The following SLC25A16 variants were observed in gnomAD, a reference collection of about 807,000 sequenced individuals.
The protein encoded by SLC25A16 is mitochondrial coenzyme A transporter SLC25A16.
SLC25A16 carries 39 observed loss-of-function variants against 41.5 expected under a neutral mutation model. That is an observed-to-expected ratio of 0.94 (90% CI 0.73 to 1.23). The LOEUF (loss-of-function observed/expected upper bound fraction) is 1.23. Ranked by LOEUF, SLC25A16 falls within the 50% of genes most tolerant of loss-of-function variation. The pLI, the probability that SLC25A16 is intolerant of heterozygous loss-of-function variation, is 0.00. For missense variants in SLC25A16, 421 were observed against 426.9 expected, an observed-to-expected ratio of 0.99 and a Z score of 0.12; for synonymous variants, 146 against 147.8, an observed-to-expected ratio of 0.99 and a Z score of 0.09.
intron 2 of SLC25A16, among the ~76,000 whole-genome samples, chr10:68,515,851 C>T (rs2053153568): frequency 2.0e-5 from 3 of 152,042 alleles, no homozygotes; most frequent in South Asian, 2.1e-4. Flanking sequence ...TGAGTTGTTA[C>T]GTGTGCCTGT....
intron 6 of SLC25A16, 111 bp from the exon 7 acceptor site, chr10:68,488,740 T>C (rs2052607214): frequency 1.2e-6 from 1 of 854,452 alleles, no homozygotes; most frequent in South Asian, 1.8e-5. Flanking sequence ...TTTGGCTTAA[T>C]TTAAAATAGA....
chr10:68,509,266 G>A (rs2053012484), intron 2 of SLC25A16, among the ~76,000 whole-genome samples: 1 of 152,064 alleles, frequency 6.6e-6, no homozygotes, highest in African/African-American at 2.4e-5. Context: ...GAACCCGGGA[G>A]GTGGAGGTTG....
chr10:68,527,351 C>A lies in SLC25A16; in HGVS notation c.25G>T (p.Ala9Ser). Reference sequence around the variant, plus strand: ...GGAGGGGGATCGGCCGCCGCCAGGGCTGCCGCGGCCGTCGCCGCCGCCATC... The same window carrying A: ...GGAGGGGGATCGGCCGCCGCCAGGGATGCCGCGGCCGTCGCCGCCGCCATC... MAAATAAA[A>S]LAAADPPPAM... is the part of the protein sequence containing the mutation. The change falls in exon 1 of 9, where the codon GCC (alanine) becomes TCC (serine). Residue 9 changes from alanine (A) to serine (S), a missense_variant. Ala to Ser is a moderately conservative substitution (Grantham distance 99, BLOSUM62 1). Coordinates refer to ENST00000609923, the MANE Select transcript of SLC25A16 (RefSeq NM_152707.4). The A allele has an allele frequency of 6.6e-7, 1 of 1,510,990 alleles. No homozygotes were observed. The highest frequency in any genetic ancestry group is 1.3e-5 in the South Asian group (1 of 79,958). The allele number at this position is 1,510,990 out of a possible 1,614,324, so 93.6% of individuals were successfully genotyped here. A position where few individuals can be genotyped will look rare whatever the true frequency, so the allele number is the denominator to read the frequency against.
chr10:68,514,007 A>G (rs985637230), intron 2 of SLC25A16, among the ~76,000 whole-genome samples: 1 of 152,118 alleles, frequency 6.6e-6, no homozygotes, highest in Admixed American at 6.6e-5. Context: ...GGCAGCCAAC[A>G]TGGCAAAACC....
intron 2 of SLC25A16, among the ~76,000 whole-genome samples, chr10:68,509,818 C>T (rs896765638): frequency 7.9e-5 from 12 of 151,512 alleles, no homozygotes; most frequent in South Asian, 2.1e-4. Flanking sequence ...AAAGGCCAGG[C>T]GCGGTGACTC....
chr10:68,501,593 G>C (rs1332022423), intron 4 of SLC25A16, among the ~76,000 whole-genome samples: 1 of 151,762 alleles, frequency 6.6e-6, no homozygotes, highest in Non-Finnish European at 1.5e-5. Flanking sequence ...AGGAGGGAAG[G>C]GAAGGGAAGG....
chr10:68,514,895 G>A (rs887624024), intron 2 of SLC25A16, among the ~76,000 whole-genome samples: 2 of 151,608 alleles, frequency 1.3e-5, no homozygotes, highest in African/African-American at 4.8e-5. Flanking sequence ...CTGCCACCAC[G>A]CCCAGCTAAT....
chr10:68,517,413 A>C (rs1184545792), intron 1 of SLC25A16: 1 of 200,136 alleles, frequency 5.0e-6, no homozygotes, highest in Non-Finnish European at 8.9e-6. Context: ...CATGGGCTTT[A>C]GCATAGGTCA....
intron 1 of SLC25A16, among the ~76,000 whole-genome samples, chr10:68,526,022 G>A (rs2053331960): frequency 6.6e-6 from 1 of 151,918 alleles, no homozygotes; most frequent in African/African-American, 2.4e-5. Flanking sequence ...TTCTCCCCAT[G>A]TGATAGTCTG....
chr10:68,506,748 C>CA (rs1564921236), intron 2 of SLC25A16, 30 bp from the exon 3 acceptor site: 4 of 1,458,230 alleles, frequency 2.7e-6, no homozygotes, highest in Non-Finnish European at 3.7e-6. Context: ...GCTGTTAAAA[C>CA]AGAGAAAATT....
intron 2 of SLC25A16, among the ~76,000 whole-genome samples, chr10:68,510,093 C>T (rs543555698): frequency 2.0e-5 from 3 of 151,876 alleles, no homozygotes; most frequent in African/African-American, 7.2e-5. Flanking sequence ...TAAATAAATA[C>T]ATAAATAAAA....
Position 68,509,735 on chromosome 10 carries a change from A to ATCTATCTATCTATATCTATATCTATATC in SLC25A16, c.224-3018_224-3017insGATATAGATATAGATATAGATAGATAGA, listed in dbSNP as rs201061957. Among the ~76,000 whole-genome samples the ATCTATCTATCTATATCTATATCTATATC allele has an allele frequency of 1.2e-3, 178 of 143,170 alleles. 1 individual carries two copies. The highest frequency in any genetic ancestry group is 4.5e-3 in the African/African-American group (166 of 36,980). 93.9% of individuals were successfully genotyped at this position (143,170 alleles called of 152,430 possible). ...AAAATCTATATATCTATCTATCTAT[A>ATCTATCTATCTATATCTATATCTATATC]TATATATCTATATATATAGATATAT... On this transcript the variant is annotated intron_variant, in intron 2 of 8. Transcript: ENST00000609923.
Position 68,479,817 on chromosome 10 carries a change from CA to C in SLC25A16, c.*3614del, listed in dbSNP as rs11361421. Reference sequence around the variant, plus strand: ...TGGGCAACAGAGTGAGGCTCTGTCTCAAAAAAAAAAAAAAAAAAGAAAGAAA... The same window carrying C: ...TGGGCAACAGAGTGAGGCTCTGTCTCAAAAAAAAAAAAAAAAAGAAAGAAA... On this transcript the variant is annotated 3_prime_UTR_variant, in exon 9 of 9. Transcript: ENST00000609923. 0.79 allele frequency: 75,800 copies of C among 96,134 alleles called. 29,423 individuals are homozygous for C. Among genetic ancestry groups the C allele is most frequent in the East Asian group, 0.81 (2,810 of 3,464 alleles). 6.0% of individuals were successfully genotyped at this position (96,134 alleles called of 1,614,324 possible).
chr10:68,504,466 G>A (rs2052916107), intron 3 of SLC25A16, among the ~76,000 whole-genome samples: 1 of 146,556 alleles, frequency 6.8e-6, no homozygotes, highest in Admixed American at 7.0e-5. Context: ...GACAGAGTCT[G>A]GCTCTGTCGC....
chr10:68,525,812 C>G (rs576579644), intron 1 of SLC25A16, among the ~76,000 whole-genome samples: 6 of 152,154 alleles, frequency 3.9e-5, no homozygotes, highest in South Asian at 2.1e-4. Context: ...CCCCCAACCC[C>G]GTGCTCTCTG....
At chr10:68,520,828 A>T (rs1204125186) in intron 1 of SLC25A16, among the ~76,000 whole-genome samples, 1 of 150,440 alleles carries the variant, frequency 6.6e-6, no homozygotes, top group Admixed American at 6.7e-5. Flanking sequence ...AAAAAAAAAA[A>T]AAATACAAAA....
rs917426779 is a variant in SLC25A16, at chr10:68,502,103, G to A, written c.421+1529C>T. Among the ~76,000 whole-genome samples, 3 of 117,442 alleles carry A rather than the reference G, an allele frequency of 2.6e-5. No homozygotes were observed. In the East Asian group the frequency reaches 8.6e-4, roughly 34 times the overall value. The allele number at this position is 117,442 out of a possible 152,430, so 77.0% of individuals were successfully genotyped here. ...CCCAGCTACTGGAGGGCTGAGGCAG[G>A]AGGATTGCTTGAACCTGGGAGGCAG... On this transcript the variant is annotated intron_variant, in intron 4 of 8. Coordinates refer to ENST00000609923, the MANE Select transcript of SLC25A16 (RefSeq NM_152707.4).
At chr10:68,493,039 TA>T in intron 6 of SLC25A16, 92 bp downstream of exon 6, 1 of 741,452 alleles carries the variant, frequency 1.3e-6, no homozygotes, top group South Asian at 1.6e-5. Context: ...ACTTAACAGA[TA>T]ACATCTTTTT....
Position 68,527,277 on chromosome 10 carries a change from GTC to G in SLC25A16, c.97_98del (p.Asp33LeufsTer61), listed in dbSNP as rs2053352597. 6.5e-7 allele frequency: 1 copy of G among 1,548,170 alleles called. No individual in the cohort carries two copies. Among genetic ancestry groups the G allele is most frequent in the Admixed American group, 2.0e-5 (1 of 50,888 alleles). On this transcript the variant is annotated frameshift_variant, in exon 1 of 9. Transcript: ENST00000609923. LOFTEE classifies it high-confidence loss of function. The part of the protein sequence containing the change: ...AGAGGPTTRR[D>X]FYWLRSFLAG... ...CCAGAAAGGAGCGCAGCCAGTAGAAGTCTCTGCGGGTTGTGGGCCCTCCGGCC... is the reference window on the plus strand; with the variant it reads ...CCAGAAAGGAGCGCAGCCAGTAGAAGTCTGCGGGTTGTGGGCCCTCCGGCC...
Sources: gnomAD v4.1 joint callset for allele counts (sites outside exome capture counted in the v4.1 genomes callset) on GRCh38, gnomAD v4.1.1 for gene constraint, MANE v1.5 for transcripts, NCBI Gene and HGNC (gene_info 2026-07-23, HGNC 2026-07-21) for gene names.